The following HGD variants were observed in gnomAD, a reference collection of about 807,000 sequenced individuals.
The protein encoded by HGD is homogentisate 1,2-dioxygenase, also known as homogentisate oxidase.
A neutral mutation model predicts 60.8 loss-of-function variants in HGD; 61 were observed. That is an observed-to-expected ratio of 1.00 (90% CI 0.82 to 1.24). The LOEUF is 1.24. Ranked by LOEUF, HGD falls within the 50% of genes most tolerant of loss-of-function variation. HGD has a pLI of 0.00. For synonymous variants in HGD, 212 were observed against 187.7 expected, an observed-to-expected ratio of 1.13 and a Z score of -1.06; for missense variants, 542 against 547.1, an observed-to-expected ratio of 0.99 and a Z score of 0.09.
At chr3:120,644,710 T>TATC in intron 9 of HGD, 1 of 1,010,602 alleles carries the variant, frequency 9.9e-7, no homozygotes, top group South Asian at 1.4e-5. Context: ...TGCATTATCT[T>TATC]ATCACTACAG....
intron 10 of HGD, among the ~76,000 whole-genome samples, chr3:120,643,837 G>T (rs1465851780): frequency 1.3e-5 from 2 of 152,130 alleles, no homozygotes; most frequent in African/African-American, 2.4e-5. Flanking sequence ...CAGCCTGGTG[G>T]TACAAACCAA....
intron 13 of HGD, among the ~76,000 whole-genome samples, chr3:120,629,737 T>C (rs547601127): frequency 6.6e-6 from 1 of 152,294 alleles, no homozygotes; most frequent in South Asian, 2.1e-4. Context: ...ATGCTCTCTC[T>C]CACCACTCCT....
In HGD at chr3:120,641,580, C is replaced by T. The variant is rs915477284; in HGVS notation, c.879+9G>A. 6.3e-7 allele frequency: 1 copy of T among 1,594,290 alleles called. No homozygotes were observed. The highest frequency in any genetic ancestry group is 1.1e-5 in the South Asian group (1 of 90,622). On this transcript the variant is annotated intron_variant, in intron 11 of 13. Transcript: ENST00000283871. Reference sequence around the variant, plus strand: ...CTCATCCCAAGGCCCCTACAGGGTTCAGACTTACTGCATGGTCAAAGGCCA... The same window carrying T: ...CTCATCCCAAGGCCCCTACAGGGTTTAGACTTACTGCATGGTCAAAGGCCA...
intron 4 of HGD, among the ~76,000 whole-genome samples, chr3:120,662,671 C>T (rs1280673891): frequency 2.0e-5 from 3 of 152,114 alleles, no homozygotes; most frequent in East Asian, 1.9e-4. Flanking sequence ...GTTAGTTTGT[C>T]CCACTTGATT....
intron 3 of HGD, among the ~76,000 whole-genome samples, chr3:120,671,189 T>A (rs61795580): frequency 1.3e-5 from 2 of 152,322 alleles, no homozygotes. Context: ...AGTGCATTTC[T>A]AAACAAAATT....
At chr3:120,629,510 T>C (rs547836884) in intron 13 of HGD, among the ~76,000 whole-genome samples, 1 of 152,326 alleles carries the variant, frequency 6.6e-6, no homozygotes, top group Admixed American at 6.5e-5. Flanking sequence ...TGAGATCATA[T>C]GGAAGTGCTA....
chr3:120,667,667 G>A (rs1358164500), intron 4 of HGD, among the ~76,000 whole-genome samples: 1 of 152,110 alleles, frequency 6.6e-6, no homozygotes, highest in African/African-American at 2.4e-5. Flanking sequence ...GATTTATTAA[G>A]GTTGAGAGGC....
intron 6 of HGD, among the ~76,000 whole-genome samples, chr3:120,649,231 C>T (rs111699823): frequency 0.084 from 12,547 of 150,242 alleles, 683 homozygotes; most frequent in East Asian, 0.19. Context: ...CAACCTCCGC[C>T]TCCCGGGTTC....
At chr3:120,670,929 G>GT (rs1407911544) in intron 3 of HGD, among the ~76,000 whole-genome samples, 1 of 152,190 alleles carries the variant, frequency 6.6e-6, no homozygotes, top group Non-Finnish European at 1.5e-5. Context: ...TGGAAGGCAA[G>GT]AACAATGAGT....
At chr3:120,655,062 C>CTG (rs1941453651) in intron 4 of HGD, among the ~76,000 whole-genome samples, 1 of 152,116 alleles carries the variant, frequency 6.6e-6, no homozygotes. Flanking sequence ...CAGAGTGAGA[C>CTG]TCTGTCTAAA....
At chr3:120,670,177 T>C (rs890465343) in intron 4 of HGD, 6 of 521,062 alleles carry the variant, frequency 1.2e-5, no homozygotes, top group African/African-American at 7.7e-5. Flanking sequence ...TCCTCAGCCA[T>C]GCAGAACTGT....
chr3:120,675,447 T>C (rs61795590), intron 2 of HGD, among the ~76,000 whole-genome samples: 36,115 of 152,028 alleles, frequency 0.24, 4,833 homozygotes, highest in African/African-American at 0.36. Context: ...TATGAACATC[T>C]TTGTGCATAC....
chr3:120,682,140 C>T lies in HGD; in HGVS notation c.-29G>A, dbSNP rs2107566765. ...CTCTCTCCTCTATGTGTGGTGACTT[C>T]AGGAAACCCAGGCCCAGAGGATATA... On this transcript the variant is annotated 5_prime_UTR_variant, in exon 1 of 14. Transcript: ENST00000283871. 1.2e-6 allele frequency: 2 copies of T among 1,611,442 alleles called. No individual in the cohort carries two copies. The highest frequency in any genetic ancestry group is 4.5e-5 in the East Asian group (2 of 44,872).
At chr3:120,630,057 C>A (rs1204867766) in intron 13 of HGD, among the ~76,000 whole-genome samples, 5 of 152,082 alleles carry the variant, frequency 3.3e-5, no homozygotes, top group African/African-American at 7.2e-5. Flanking sequence ...CCTAGGAATA[C>A]CCCTAACCAG....
At chr3:120,666,776 T>G (rs1036788585) in intron 4 of HGD, among the ~76,000 whole-genome samples, 1 of 152,092 alleles carries the variant, frequency 6.6e-6, no homozygotes, top group African/African-American at 2.4e-5. Context: ...CCTCCCAAAG[T>G]GCTGGGATTA....
At chr3:120,630,024 A>AAAGAATAAATCC (rs1294660371) in intron 13 of HGD, among the ~76,000 whole-genome samples, 31 of 152,294 alleles carry the variant, frequency 2.0e-4, no homozygotes, top group Middle Eastern at 3.4e-3. Flanking sequence ...CCCATTCACA[A>AAAGAATAAATCC]CTGCCACAAA....
intron 1 of HGD, 130 bp downstream of exon 1, chr3:120,681,967 G>A: frequency 1.2e-6 from 1 of 828,510 alleles, no homozygotes; most frequent in Non-Finnish European, 2.1e-6. Context: ...CCACAGGGAA[G>A]CCTCTGAACA....
rs562484416 is a variant in HGD at position 120,643,140 on chromosome 3, T to C, written c.774+1179A>G. Among the ~76,000 whole-genome samples the C allele has an allele frequency of 2.6e-5, 4 of 152,310 alleles. No individual in the cohort carries two copies. The South Asian group carries it at 8.3e-4, about 32-fold the overall frequency. On this transcript the variant is annotated intron_variant, in intron 10 of 13. Transcript: ENST00000283871. ...TAGTATCTAAGGATCTGCATTTTTT[T>C]TGAGAGGGAGTCTTGCTCTGTCGCC...
chr3:120,631,458 C>T (rs1286954496), intron 13 of HGD, among the ~76,000 whole-genome samples: 1 of 151,970 alleles, frequency 6.6e-6, no homozygotes, highest in Non-Finnish European at 1.5e-5. Context: ...CATCATATCT[C>T]ATGTACCCCA....
Sources: allele counts gnomAD v4.1 joint callset (sites outside exome capture counted in the v4.1 genomes callset), GRCh38; gene constraint gnomAD v4.1.1; transcripts MANE v1.5; gene names NCBI Gene and HGNC (gene_info 2026-07-23, HGNC 2026-07-21).